The following SYBU variants were observed in gnomAD, a reference collection of about 807,000 sequenced individuals.
SYBU encodes the protein syntabulin.
Under a neutral mutation model 35.9 loss-of-function variants are expected in SYBU, and 21 were observed. The ratio of observed to expected loss-of-function variants is 0.58; its 90% CI spans 0.41 to 0.84. SYBU has a LOEUF of 0.84. Ranked by LOEUF, SYBU falls within the 40% of genes least tolerant of loss-of-function variation. The pLI is 0.00. For missense variants in SYBU, 768 were observed against 848.2 expected, an observed-to-expected ratio of 0.91 and a Z score of 1.17; for synonymous variants, 319 against 324.3, an observed-to-expected ratio of 0.98 and a Z score of 0.18.
intron 3 of SYBU, among the ~76,000 whole-genome samples, chr8:109,607,068 C>A (rs1826142534): frequency 6.6e-6 from 1 of 152,150 alleles, no homozygotes; most frequent in African/African-American, 2.4e-5. Flanking sequence ...GTTGGAGTTA[C>A]CATAAACATA....
chr8:109,631,077 CAT>C (rs926226155), intron 2 of SYBU, among the ~76,000 whole-genome samples: 27 of 152,142 alleles, frequency 1.8e-4, no homozygotes, highest in Non-Finnish European at 5.9e-5. Flanking sequence ...TGTGGTCACT[CAT>C]GTGCTCGCCA....
chr8:109,687,906 ACTCATT>A (rs1817557456), intron 1 of SYBU, among the ~76,000 whole-genome samples: 1 of 152,214 alleles, frequency 6.6e-6, no homozygotes. Flanking sequence ...CAATAGAAGT[ACTCATT>A]CTAACCACAT....
chr8:109,658,612 C>A (rs963717610), intron 1 of SYBU, among the ~76,000 whole-genome samples: 1 of 152,118 alleles, frequency 6.6e-6, no homozygotes, highest in African/African-American at 2.4e-5. Flanking sequence ...TCCATTAAGC[C>A]AATATGCTTG....
chr8:109,678,970 G>A (rs921549736), intron 1 of SYBU, among the ~76,000 whole-genome samples: 2 of 152,146 alleles, frequency 1.3e-5, no homozygotes, highest in Non-Finnish European at 2.9e-5. Context: ...GACATTCTAA[G>A]TGACAGGATG....
Position 109,576,042 on chromosome 8 carries a change from TAAAAAAAAAAAA to T in SYBU, c.885-41_885-30del, listed in dbSNP as rs71305959. The T allele has an allele frequency of 4.9e-4, 415 of 846,620 alleles. 1 individual carries two copies. Among genetic ancestry groups the T allele is most frequent in the African/African-American group, 2.8e-3 (138 of 49,362 alleles). The allele number at this position is 846,620 out of a possible 1,614,324, so 52.4% of individuals were successfully genotyped here. A position where few individuals can be genotyped will look rare whatever the true frequency, so the allele number is the denominator to read the frequency against. Reference sequence around the variant, plus strand: ...GAGTGCCAAGACAAGCATGGTTAATTAAAAAAAAAAAAAAAAAAAAAAAAAAAACTTTCAACT... The same window carrying T: ...GAGTGCCAAGACAAGCATGGTTAATTAAAAAAAAAAAAAAAACTTTCAACT... On this transcript the variant is annotated intron_variant, in intron 6 of 6. Coordinates refer to ENST00000276646, the MANE Select transcript of SYBU (RefSeq NM_001099754.2).
intron 3 of SYBU, among the ~76,000 whole-genome samples, chr8:109,610,523 A>G (rs1330441478): frequency 6.6e-6 from 1 of 152,228 alleles, no homozygotes; most frequent in Non-Finnish European, 1.5e-5. Context: ...GTTGGAATAC[A>G]AGCCTATTGC....
rs1417877762 is a variant in SYBU, at chr8:109,574,033, A to AGGAAAT, written c.*867_*872dup. The AGGAAAT allele has an allele frequency of 2.0e-5, 3 of 152,250 alleles. No homozygotes were observed. Among genetic ancestry groups the AGGAAAT allele is most frequent in the African/African-American group, 7.2e-5 (3 of 41,468 alleles). 9.4% of individuals were successfully genotyped at this position (152,250 alleles called of 1,614,324 possible). A position where few individuals can be genotyped will look rare whatever the true frequency, so the allele number is the denominator to read the frequency against. ...GAAATGATGCTTTTTAAGTAAGGGT[A>AGGAAAT]GGAAATCTTCATTTTCTTTAATAAC... On this transcript the variant is annotated 3_prime_UTR_variant, in exon 7 of 7. Coordinates refer to ENST00000276646, the MANE Select transcript of SYBU (RefSeq NM_001099754.2).
intron 2 of SYBU, among the ~76,000 whole-genome samples, chr8:109,639,035 C>A (rs1192752110): frequency 6.6e-6 from 1 of 152,130 alleles, no homozygotes; most frequent in East Asian, 1.9e-4. Context: ...CATGGGAAAG[C>A]AAGAGGGAGG....
intron 5 of SYBU, 37 bp from the exon 6 acceptor site, chr8:109,578,054 C>G (rs200501836): frequency 1.3e-6 from 2 of 1,583,834 alleles, no homozygotes; most frequent in Non-Finnish European, 1.7e-6. Context: ...TACTTTTTGC[C>G]GTTTCCTTTT....
rs1250528140 is a variant in SYBU, at chr8:109,677,469, C to A, written c.-129+3242G>T. ...AAAAAAATACACCTCATGTTCCAGG[C>A]AAAGGTTTGAATTAATCCTCTTTGA... is the stretch of plus-strand genomic sequence containing the variant. On this transcript the variant is annotated intron_variant, in intron 1 of 5. Coordinates refer to the SYBU transcript ENST00000408889. Among the ~76,000 whole-genome samples, 5 of 152,124 alleles carry A rather than the reference C, an allele frequency of 3.3e-5. No homozygotes were observed. The South Asian group carries it at 8.3e-4, about 25-fold the overall frequency.
At chr8:109,683,270 T>C (rs1817445363), upstream of SYBU, among the ~76,000 whole-genome samples, 1 of 152,200 alleles carries the variant, frequency 6.6e-6, no homozygotes, top group South Asian at 2.1e-4. Context: ...TTGGGCTGTC[T>C]CATGCAAAGC....
intron 1 of SYBU, among the ~76,000 whole-genome samples, chr8:109,689,243 T>C (rs1320365091): frequency 2.0e-5 from 3 of 152,174 alleles, no homozygotes; most frequent in African/African-American, 7.2e-5. Flanking sequence ...TTATATCATA[T>C]AACTACAGTA....
intron 3 of SYBU, among the ~76,000 whole-genome samples, chr8:109,592,312 C>G (rs1824375979): frequency 6.6e-6 from 1 of 151,224 alleles, no homozygotes; most frequent in South Asian, 2.1e-4. Context: ...AATTCTCTTT[C>G]TGTGTGTGTG....
rs1052941186 is a variant in SYBU, at chr8:109,593,881, C to T, written c.428-7719G>A. ...CAGGTCTGGGAAAGGTTACATCCAC[C>T]GTGGTCATAAATGTCATCCTAGCTC... On this transcript the variant is annotated intron_variant, in intron 3 of 6. Transcript: ENST00000276646. Among the ~76,000 whole-genome samples, 23 of 152,160 alleles carry T rather than the reference C, an allele frequency of 1.5e-4. No individual in the cohort carries two copies. The South Asian group carries it at 1.9e-3, about 12-fold the overall frequency.
chr8:109,681,363 A>T (rs772015842), upstream of SYBU, among the ~76,000 whole-genome samples: 24 of 152,228 alleles, frequency 1.6e-4, no homozygotes, highest in Non-Finnish European at 3.1e-4. Flanking sequence ...TAAGGCTATA[A>T]AGAGTAAAAG....
chr8:109,680,642 A>G (rs1817370899), intron 1 of SYBU: 1 of 152,206 alleles, frequency 6.6e-6, no homozygotes, highest in Non-Finnish European at 1.5e-5. Context: ...TTTTACGACA[A>G]ATCTTTGACA....
At chr8:109,637,459 G>A (rs961522851) in intron 2 of SYBU, among the ~76,000 whole-genome samples, 2 of 152,134 alleles carry the variant, frequency 1.3e-5, no homozygotes, top group Non-Finnish European at 2.9e-5. Flanking sequence ...CTGCCTATAT[G>A]CCTTTCGTTT....
intron 3 of SYBU, among the ~76,000 whole-genome samples, chr8:109,612,672 G>T (rs1811302472): frequency 6.6e-6 from 1 of 152,122 alleles, no homozygotes; most frequent in Admixed American, 6.5e-5. Context: ...GCTGTCAATG[G>T]CCTAAAACAC....
rs1008819764 is a variant in SYBU, at chr8:109,691,027, A to T, written c.-58+306T>A. 3.0e-4 allele frequency among the ~76,000 whole-genome samples: 45 copies of T among 152,292 alleles called. No individual in the cohort carries two copies. Among genetic ancestry groups the T allele is most frequent in the African/African-American group, 1.0e-3 (42 of 41,566 alleles). ...GAGATTCAAAACCGACGGCCTATAC[A>T]TTAGCCTGGCTAATCTTGCTCGTTG... On this transcript the variant is annotated intron_variant, in intron 1 of 7. Transcript: ENST00000422135. This position sits in a 1 kb window ranked among gnomAD's most constrained non-coding sequence, Gnocchi z 4.7.
Sources: allele counts gnomAD v4.1 joint callset (sites outside exome capture counted in the v4.1 genomes callset), GRCh38; gene constraint gnomAD v4.1.1; non-coding constraint Gnocchi (gnomAD v3.1); transcripts MANE v1.5; gene names NCBI Gene and HGNC (gene_info 2026-07-23, HGNC 2026-07-21).